The following GSE1 variants were observed in gnomAD, a reference collection of about 807,000 sequenced individuals.
The protein encoded by GSE1 is Gse1 coiled-coil protein.
In GSE1, 32 loss-of-function variants were observed where a neutral mutation model predicts 112.6. That is an observed-to-expected ratio of 0.28 (90% CI 0.21 to 0.38). The LOEUF (loss-of-function observed/expected upper bound fraction) is 0.38, where lower values mean the gene tolerates loss of function less well. GSE1 is among the 10% of genes least tolerant of loss of function. The pLI, the probability that GSE1 is intolerant of heterozygous loss-of-function variation, is 1.00. For synonymous variants in GSE1, 1,115 were observed against 735.6 expected (o/e 1.52, Z -8.35); for missense variants, 2,348 against 1,699.2 (o/e 1.38, Z -6.71).
At position 85,229,454 on chromosome 16, in the gene GSE1, T is replaced by G. The variant is rs569040923; in HGVS notation, c.2283+57647T>G. On this transcript the variant is annotated intron_variant, in intron 1 of 2. Transcript: ENST00000637419. The stretch of plus-strand genomic sequence containing the variant: ...GTCCGTCCTCTCACTCCGCCCTGCC[T>G]TCTCTGGCTAGTGCGGCATCCAGAG... 8.5e-5 allele frequency among the ~76,000 whole-genome samples: 13 copies of G among 152,370 alleles called. No individual in the cohort carries two copies. The South Asian group carries it at 2.7e-3, about 32-fold the overall frequency.
intron 1 of GSE1, among the ~76,000 whole-genome samples, chr16:85,240,615 A>G (rs9936023): frequency 0.16 from 24,317 of 152,194 alleles, 2,407 homozygotes; most frequent in East Asian, 0.29. Context: ...GGGGTCTCCC[A>G]GACTTAAACG....
At chr16:85,410,424 CAGGG>C (rs2048488082) in intron 2 of GSE1, among the ~76,000 whole-genome samples, 2 of 19,966 alleles carry the variant, frequency 1.0e-4, no homozygotes, top group African/African-American at 2.3e-4. Context: ...CTGTTACACT[CAGGG>C]CCCCCTGGAT....
At chr16:85,178,924 C>T (rs1338951812) in intron 1 of GSE1, among the ~76,000 whole-genome samples, 4 of 151,628 alleles carry the variant, frequency 2.6e-5, no homozygotes, top group East Asian at 3.9e-4. Context: ...TAGCAGCGGG[C>T]GGGGACCCGT....
chr16:85,479,999 C>T (rs374211002), intron 2 of GSE1, among the ~76,000 whole-genome samples: 11 of 152,350 alleles, frequency 7.2e-5, no homozygotes, highest in African/African-American at 2.4e-4. Flanking sequence ...TGAGGCCACA[C>T]AGCGGCCATG....
At chr16:85,517,062 G>C (rs2051972418) in intron 2 of GSE1, among the ~76,000 whole-genome samples, 1 of 152,208 alleles carries the variant, frequency 6.6e-6, no homozygotes, top group Non-Finnish European at 1.5e-5. Flanking sequence ...CTCCCAAAGT[G>C]CTGGCATCAC....
chr16:85,533,500 C>A (rs17207722), intron 2 of GSE1, among the ~76,000 whole-genome samples: 61,174 of 151,942 alleles, frequency 0.4, 12,545 homozygotes, highest in African/African-American at 0.44. Flanking sequence ...CATGTAGTAC[C>A]TAAAAATGAC....
At chr16:85,449,366 C>T (rs1221354264) in intron 2 of GSE1, among the ~76,000 whole-genome samples, 1 of 152,230 alleles carries the variant, frequency 6.6e-6, no homozygotes, top group Admixed American at 6.5e-5. Flanking sequence ...GCTGGGAAAC[C>T]TCAGGGCCTC....
chr16:85,284,647 G>T (rs182227814), intron 1 of GSE1, among the ~76,000 whole-genome samples: 1 of 152,208 alleles, frequency 6.6e-6, no homozygotes, highest in African/African-American at 2.4e-5. Flanking sequence ...GATATTAAAC[G>T]CCCGCTGCTG....
At chr16:85,289,998 G>GC (rs1160603139) in intron 1 of GSE1, among the ~76,000 whole-genome samples, 2 of 152,340 alleles carry the variant, frequency 1.3e-5, no homozygotes, top group East Asian at 3.9e-4. Context: ...GGTGATGGGG[G>GC]CAGGTGGGTG....
At chr16:85,556,545 G>A (rs2045223510) in intron 1 of GSE1, among the ~76,000 whole-genome samples, 1 of 151,536 alleles carries the variant, frequency 6.6e-6, no homozygotes, top group Admixed American at 6.6e-5. Context: ...GGTGTGCGCG[G>A]CTACGTGCGG....
chr16:85,552,311 C>T (rs920770929), upstream of GSE1, among the ~76,000 whole-genome samples: 3 of 121,600 alleles, frequency 2.5e-5, no homozygotes, highest in African/African-American at 8.4e-5. Context: ...AGGCGTGAAC[C>T]ACCGCACCCG....
chr16:85,613,858 G>GT (rs1163759145), intron 1 of GSE1, among the ~76,000 whole-genome samples: 1 of 121,676 alleles, frequency 8.2e-6, no homozygotes, highest in Non-Finnish European at 1.8e-5. Flanking sequence ...AAGCGGGGGT[G>GT]TGGGGGGGGG....
At chr16:85,488,686 G>A (rs2050916547) in intron 2 of GSE1, among the ~76,000 whole-genome samples, 1 of 152,142 alleles carries the variant, frequency 6.6e-6, no homozygotes, top group Non-Finnish European at 1.5e-5. Context: ...GGGTTTCGAA[G>A]GATGTGCAGG....
chr16:85,379,406 G>A (rs1158402489), intron 2 of GSE1, among the ~76,000 whole-genome samples: 1 of 152,176 alleles, frequency 6.6e-6, no homozygotes, highest in Non-Finnish European at 1.5e-5. Flanking sequence ...AGATGTAGAA[G>A]GGAGAACACA....
chr16:85,598,231 G>A (rs936698814), intron 1 of GSE1, among the ~76,000 whole-genome samples: 1 of 147,986 alleles, frequency 6.8e-6, no homozygotes, highest in Non-Finnish European at 1.5e-5. Context: ...TGGACAAGAG[G>A]GCCCAGAAGG....
chr16:85,640,341 G>T (rs2050339129), intron 2 of GSE1, among the ~76,000 whole-genome samples: 2 of 152,230 alleles, frequency 1.3e-5, no homozygotes, highest in South Asian at 4.1e-4. Flanking sequence ...GTTACCTGCG[G>T]CAGGGGTGGC....
chr16:85,448,644 TCCTC>T (rs2049579364), intron 2 of GSE1, among the ~76,000 whole-genome samples: 1 of 152,158 alleles, frequency 6.6e-6, no homozygotes, highest in African/African-American at 2.4e-5. Context: ...TGGCGCCTCT[TCCTC>T]CCTCCATCTG....
Position 85,635,369 on chromosome 16 carries a change from G to A in GSE1, c.226+1237G>A, listed in dbSNP as rs534786389. Among the ~76,000 whole-genome samples the A allele has an allele frequency of 3.9e-4, 59 of 152,266 alleles. 1 individual carries two copies. The South Asian group carries it at 5.8e-3, about 15-fold the overall frequency. On this transcript the variant is annotated intron_variant, in intron 2 of 15. Transcript: ENST00000253458. Reference sequence around the variant, plus strand: ...GCAGGACCGCCAGAAAACCCTCCACGCCCTTGGCAGGGGACTCCCTGGCCA... The same window carrying A: ...GCAGGACCGCCAGAAAACCCTCCACACCCTTGGCAGGGGACTCCCTGGCCA...
chr16:85,477,541 GA>G (rs2050496451), intron 2 of GSE1, among the ~76,000 whole-genome samples: 1 of 133,922 alleles, frequency 7.5e-6, no homozygotes, highest in African/African-American at 2.8e-5. Context: ...TCCAGCTGCA[GA>G]AAAAGGTCTT....
Sources: allele counts gnomAD v4.1 joint callset (sites outside exome capture counted in the v4.1 genomes callset), GRCh38; gene constraint gnomAD v4.1.1; transcripts MANE v1.5; gene names NCBI Gene and HGNC (gene_info 2026-07-23, HGNC 2026-07-21).